Variants in ZNF287 observed in about 807,000 individuals in gnomAD.
The protein encoded by ZNF287 is zinc finger protein 287.
In ZNF287, 31 loss-of-function variants were observed where a neutral mutation model predicts 73.7. The observed-to-expected ratio is 0.42, with a 90% CI of 0.32 to 0.57. The LOEUF (loss-of-function observed/expected upper bound fraction) is 0.57, where lower values mean the gene tolerates loss of function less well. Ranked by LOEUF, ZNF287 falls within the 20% of genes least tolerant of loss-of-function variation. The pLI is 0.13. For synonymous variants in ZNF287, 301 were observed against 307.2 expected, an observed-to-expected ratio of 0.98 and a Z score of 0.21; for missense variants, 641 against 909.3, an observed-to-expected ratio of 0.70 and a Z score of 3.79.
chr17:16,551,584 A>T lies in ZNF287; in HGVS notation c.*272T>A, dbSNP rs1403742526. ...AAGGATAAGTGTACTTGAAATAGAG[A>T]GTTGATGAGTTATGTTTTTGAATAC... On this transcript the variant is annotated 3_prime_UTR_variant, in exon 6 of 6. Coordinates refer to ENST00000395825, the MANE Select transcript of ZNF287 (RefSeq NM_020653.4). 2.6e-6 allele frequency: 1 copy of T among 378,674 alleles called. No homozygotes were observed. The highest frequency in any genetic ancestry group is 4.7e-6 in the Non-Finnish European group (1 of 211,622). The allele number at this position is 378,674 out of a possible 1,614,324, so 23.5% of individuals were successfully genotyped here.
rs879408314 is a variant in ZNF287 at position 16,563,591 on chromosome 17, G to A, written c.628+108C>T. On this transcript the variant is annotated intron_variant, in intron 4 of 5. Transcript: ENST00000395825. ...AACAGTCACTTTCGTGCTTGAATGAGATAAGAACATTTATTTCTGGACCCC... is the reference window on the plus strand; with the variant it reads ...AACAGTCACTTTCGTGCTTGAATGAAATAAGAACATTTATTTCTGGACCCC... 91 of 1,301,480 alleles carry A rather than the reference G, an allele frequency of 7.0e-5. 1 individual carries two copies. The South Asian group carries it at 9.8e-4, about 14-fold the overall frequency. The allele number at this position is 1,301,480 out of a possible 1,614,324, so 80.6% of individuals were successfully genotyped here.
At chr17:16,554,202 CTT>C (rs565329005) in intron 5 of ZNF287, among the ~76,000 whole-genome samples, 17 of 139,334 alleles carry the variant, frequency 1.2e-4, no homozygotes, top group Admixed American at 7.2e-5. Context: ...TTATCCACTA[CTT>C]TTTTTTTTTT....
rs1216151387 is a variant in ZNF287 at position 16,548,266 on chromosome 17, A to G, written c.*3590T>C. On this transcript the variant is annotated 3_prime_UTR_variant, in exon 6 of 6. Transcript: ENST00000395825. ...ATATTGGGAAGATCTGGTGACCTCA[A>G]ATGAGTGATCCATTGATAATGAGTC... Among the ~76,000 whole-genome samples, 3 of 152,170 alleles carry G rather than the reference A, an allele frequency of 2.0e-5. No homozygotes were observed. The highest frequency in any genetic ancestry group is 2.1e-4 in the South Asian group (1 of 4,830).
chr17:16,554,966 T>C lies in ZNF287; in HGVS notation c.716-1540A>G, dbSNP rs573233951. 1.1e-4 allele frequency among the ~76,000 whole-genome samples: 16 copies of C among 148,228 alleles called. 1 individual carries two copies. Among genetic ancestry groups the C allele is most frequent in the Admixed American group, 9.8e-4 (15 of 15,238 alleles). On this transcript the variant is annotated intron_variant, in intron 5 of 5. Coordinates refer to ENST00000395825, the MANE Select transcript of ZNF287 (RefSeq NM_020653.4). ...AGATTAGGTTGAATTATGTAGGAAA[T>C]TGCCTTTTTTTATAGGTCAAAATGG... is the stretch of plus-strand genomic sequence containing the variant.
rs1311839196 is a variant in ZNF287 at position 16,553,307 on chromosome 17, G to A, written c.835C>T (p.Arg279Ter). 4 of 1,613,628 alleles carry A rather than the reference G, an allele frequency of 2.5e-6. No homozygotes were observed. Among genetic ancestry groups the A allele is most frequent in the Admixed American group, 1.7e-5 (1 of 59,986 alleles). The change falls in exon 6 of 6, where the codon CGA (arginine) becomes TGA (stop). Residue 279 changes from arginine to a stop codon, truncating the protein, a stop_gained. Coordinates refer to ENST00000395825, the MANE Select transcript of ZNF287 (RefSeq NM_020653.4). LOFTEE classifies it high-confidence loss of function. The part of the protein sequence containing the change: ...SYDYDDRLER[R>*]GKGGFWKIHT... Reference sequence around the variant, plus strand: ...ATTTTCCAGAAGCCACCTTTTCCTCGCCTCTCTAGTCTATCATCGTAGTCA... The same window carrying A: ...ATTTTCCAGAAGCCACCTTTTCCTCACCTCTCTAGTCTATCATCGTAGTCA...
intron 1 of ZNF287, among the ~76,000 whole-genome samples, chr17:16,568,396 G>A (rs535874191): frequency 2.0e-5 from 3 of 152,228 alleles, no homozygotes; most frequent in African/African-American, 7.2e-5. Context: ...TATCTGCGTT[G>A]CATGTTAATG....
At chr17:16,560,059 T>G (rs1355421902) in intron 5 of ZNF287, among the ~76,000 whole-genome samples, 1 of 151,060 alleles carries the variant, frequency 6.6e-6, no homozygotes, top group Non-Finnish European at 1.5e-5. Flanking sequence ...TTCAAGCGAT[T>G]CTTCTGCCTC....
intron 3 of ZNF287, 97 bp from the exon 4 acceptor site, chr17:16,563,922 AT>A: frequency 7.0e-7 from 1 of 1,435,592 alleles, no homozygotes; most frequent in Non-Finnish European, 9.4e-7. Context: ...CTGTCACAGA[AT>A]TTTAAGCTTT....
In ZNF287 at chr17:16,552,603, A is replaced by C; in HGVS notation, c.1539T>G (p.Cys513Trp). 1 of 1,614,138 alleles carries C rather than the reference A, an allele frequency of 6.2e-7. No homozygotes were observed. Among genetic ancestry groups the C allele is most frequent in the South Asian group, 1.1e-5 (1 of 91,080 alleles). Residue 513 changes from cysteine (C) to tryptophan (W), a missense_variant, in exon 6 of 6, where the codon TGT becomes TGG. Cys to Trp is a radical substitution (Grantham distance 215). Coordinates refer to ENST00000395825, the MANE Select transcript of ZNF287 (RefSeq NM_020653.4). The surrounding 1 kb of genome is among the most constrained non-coding windows in gnomAD (Gnocchi z 6.5). ...TGEKPYICNE[C>W]GKTFSQSTHL... is the part of the protein sequence containing the mutation. Reference sequence around the variant, plus strand: ...GTGTACTCTGACTGAAAGTCTTCCCACATTCATTGCATATATAAGGTTTTT... The same window carrying C: ...GTGTACTCTGACTGAAAGTCTTCCCCCATTCATTGCATATATAAGGTTTTT...
chr17:16,555,772 C>T (rs766571336), intron 5 of ZNF287, among the ~76,000 whole-genome samples: 44 of 152,246 alleles, frequency 2.9e-4, no homozygotes, highest in Non-Finnish European at 5.4e-4. Flanking sequence ...GTTACAACCT[C>T]TTTCTCCTTT....
intron 5 of ZNF287, among the ~76,000 whole-genome samples, chr17:16,557,431 C>T (rs1346281820): frequency 6.6e-6 from 1 of 152,048 alleles, no homozygotes; most frequent in African/African-American, 2.4e-5. Context: ...TAATAAAGAA[C>T]TATAAAAGAT....
intron 5 of ZNF287, among the ~76,000 whole-genome samples, chr17:16,555,883 C>T (rs1907024115): frequency 6.6e-6 from 1 of 152,036 alleles, no homozygotes; most frequent in South Asian, 2.1e-4. Context: ...GTACTAAATA[C>T]TTCAGAAACT....
At chr17:16,555,601 A>AACACACACAC (rs201011881) in intron 5 of ZNF287, among the ~76,000 whole-genome samples, 28 of 128,228 alleles carry the variant, frequency 2.2e-4, no homozygotes, top group South Asian at 1.1e-3. Flanking sequence ...CACATAACCA[A>AACACACACAC]ACACACACAC....
rs561341461 is a variant in ZNF287 at position 16,549,393 on chromosome 17, C to T, written c.*2463G>A. ...AATAACAGAGTAATGCAAAGGAAGG[C>T]GCTATGGACTGTCACATGCCACATG... On this transcript the variant is annotated 3_prime_UTR_variant, in exon 6 of 6. Coordinates refer to ENST00000395825, the MANE Select transcript of ZNF287 (RefSeq NM_020653.4). Among the ~76,000 whole-genome samples, 1 of 151,994 alleles carries T rather than the reference C, an allele frequency of 6.6e-6. No individual in the cohort carries two copies. The highest frequency in any genetic ancestry group is 1.5e-5 in the Non-Finnish European group (1 of 68,010).
chr17:16,552,782 A>G lies in ZNF287; in HGVS notation c.1360T>C (p.Cys454Arg), dbSNP rs1171880988. 2.5e-6 allele frequency: 4 copies of G among 1,614,034 alleles called. No individual in the cohort carries two copies. The highest frequency in any genetic ancestry group is 1.1e-5 in the South Asian group (1 of 91,074). ...CTGAAGTCTTTCCCACAGTCATCAC[A>G]CTTATAGGGTTTCTCTCCAGTATGA... ...RIHTGEKPYK[C>R]DDCGKDFSQR... Residue 454 changes from cysteine (C) to arginine (R), a missense_variant, in exon 6 of 6, where the codon TGT becomes CGT. Coordinates refer to ENST00000395825, the MANE Select transcript of ZNF287 (RefSeq NM_020653.4). This position sits in a 1 kb window ranked among gnomAD's most constrained non-coding sequence, Gnocchi z 6.5.
chr17:16,567,193 G>A, intron 2 of ZNF287, 136 bp downstream of exon 2: 1 of 1,177,804 alleles, frequency 8.5e-7, no homozygotes, highest in Non-Finnish European at 1.2e-6. Context: ...GTTCTCCCCA[G>A]TTTCTTTCTT....
intron 5 of ZNF287, among the ~76,000 whole-genome samples, chr17:16,562,636 TA>T (rs1460974366): frequency 1.6e-4 from 24 of 152,158 alleles, no homozygotes; most frequent in African/African-American, 2.4e-4. Context: ...TATATTTATA[TA>T]TTTTTTTTGC....
At position 16,547,019 on chromosome 17, in the gene ZNF287, T is replaced by G. The variant is rs545299556; in HGVS notation, c.*4837A>C. On this transcript the variant is annotated 3_prime_UTR_variant, in exon 6 of 6. Transcript: ENST00000395825. The stretch of plus-strand genomic sequence containing the variant: ...CTAAGGGGCTAATAATTATGAAAGA[T>G]AGAGCCATGGGGAGAACAGAAACAG... Among the ~76,000 whole-genome samples the G allele has an allele frequency of 6.6e-6, 1 of 152,170 alleles. No individual in the cohort carries two copies. Among genetic ancestry groups the G allele is most frequent in the Non-Finnish European group, 1.5e-5 (1 of 68,024 alleles).
Position 16,553,370 on chromosome 17 carries a change from T to G in ZNF287, c.772A>C (p.Lys258Gln), listed in dbSNP as rs368927047. ...TPVEDMSKLT[K>Q]EETHTIKLED... Reference sequence around the variant, plus strand: ...AATTTGATGGTATGGGTTTCTTCCTTTGTGAGTTTAGACATATCCTCCACT... The same window carrying G: ...AATTTGATGGTATGGGTTTCTTCCTGTGTGAGTTTAGACATATCCTCCACT... The change falls in exon 6 of 6, where the codon AAG becomes CAG. Residue 258 changes from lysine to glutamine, a missense_variant. Around this residue, in one of 2 missense-constraint regions of ZNF287, gnomAD observed 357 missense variants for 442.4 expected, o/e 0.81. Transcript: ENST00000395825. The G allele has an allele frequency of 4.3e-6, 7 of 1,609,824 alleles. No homozygotes were observed. The African/African-American group carries it at 9.4e-5, about 22-fold the overall frequency.
Sources: gnomAD v4.1 joint callset for allele counts (sites outside exome capture counted in the v4.1 genomes callset) on GRCh38, gnomAD v4.1.1 for gene constraint, gnomAD v4.1.1 regional missense constraint, Gnocchi (gnomAD v3.1) non-coding constraint, MANE v1.5 for transcripts, NCBI Gene and HGNC (gene_info 2026-07-23, HGNC 2026-07-21) for gene names.